FAM178B: variants seen among roughly 807,000 people sequenced by gnomAD.
The protein encoded by FAM178B is protein FAM178B.
In FAM178B, 82 loss-of-function variants were observed where a neutral mutation model predicts 91.7. That is an observed-to-expected ratio of 0.89 (90% CI 0.75 to 1.07). The LOEUF (loss-of-function observed/expected upper bound fraction) is 1.07, where lower values mean the gene tolerates loss of function less well. Among genes scored for constraint, FAM178B ranks in the 50% least tolerant of loss-of-function variants. The pLI is 0.00. For missense variants in FAM178B, 769 were observed against 846.7 expected (o/e 0.91, Z 1.14); for synonymous variants, 368 against 359.4 (o/e 1.02, Z -0.27).
chr2:96,880,379 G>C (rs2080349783), intron 14 of FAM178B, among the ~76,000 whole-genome samples: 3 of 151,990 alleles, frequency 2.0e-5, no homozygotes, highest in Non-Finnish European at 4.4e-5. Flanking sequence ...GACAACCTGG[G>C]GGGCAGAGTT....
At chr2:96,925,642 T>C (rs868578474) in intron 9 of FAM178B, among the ~76,000 whole-genome samples, 2 of 152,146 alleles carry the variant, frequency 1.3e-5, no homozygotes, top group African/African-American at 2.4e-5. Context: ...TGGACTCTTA[T>C]GAGCAAAGCA....
chr2:96,966,192 A>G (rs1487203607), intron 5 of FAM178B, among the ~76,000 whole-genome samples: 1 of 151,990 alleles, frequency 6.6e-6, no homozygotes. Flanking sequence ...GCACTCCCAC[A>G]GCAGGGTCCC....
rs60965536 is a variant in FAM178B, at chr2:96,967,911, C to CTTTTTTTTTTTTTTTT, written c.627-300_627-285dup. Among the ~76,000 whole-genome samples, 64 of 62,444 alleles carry CTTTTTTTTTTTTTTTT rather than the reference C, an allele frequency of 1.0e-3. 16 individuals are homozygous for CTTTTTTTTTTTTTTTT. The highest frequency in any genetic ancestry group is 1.4e-3 in the East Asian group (3 of 2,178). 41.0% of individuals were successfully genotyped at this position (62,444 alleles called of 152,430 possible). ...TCTTTACTTGTGTACCCTGTTTGGT[C>CTTTTTTTTTTTTTTTT]TTTTTTTTTTTTTTTTTTTTTTTTT... is the stretch of plus-strand genomic sequence containing the variant. On this transcript the variant is annotated intron_variant, in intron 4 of 16. Transcript: ENST00000490605.
intron 14 of FAM178B, among the ~76,000 whole-genome samples, chr2:96,886,517 C>T (rs1231121080): frequency 6.6e-6 from 1 of 152,188 alleles, no homozygotes; most frequent in Non-Finnish European, 1.5e-5. Flanking sequence ...TGGGAAGGCG[C>T]CAAGGGCCAG....
At chr2:96,917,189 AAGG>A (rs2081255478) in intron 12 of FAM178B, among the ~76,000 whole-genome samples, 1 of 152,200 alleles carries the variant, frequency 6.6e-6, no homozygotes, top group Non-Finnish European at 1.5e-5. Context: ...TCAAATTTGA[AAGG>A]AGTACTTTCA....
intron 9 of FAM178B, among the ~76,000 whole-genome samples, chr2:96,928,110 T>C (rs1574262414): frequency 6.6e-6 from 1 of 151,920 alleles, no homozygotes; most frequent in Admixed American, 6.6e-5. Context: ...GTGGAACAGG[T>C]TCTTAGGAGA....
At chr2:96,906,474 A>C (rs2081057975) in intron 12 of FAM178B, among the ~76,000 whole-genome samples, 1 of 152,132 alleles carries the variant, frequency 6.6e-6, no homozygotes. Flanking sequence ...TGAAGGCCTG[A>C]TGTGAACCAT....
intron 3 of FAM178B, 82 bp from the exon 4 acceptor site, chr2:96,970,859 C>T: frequency 1.0e-6 from 1 of 978,698 alleles, no homozygotes; most frequent in Non-Finnish European, 1.6e-6. Flanking sequence ...TAAATTAAGC[C>T]CTTTATTTAT....
intron 6 of FAM178B, among the ~76,000 whole-genome samples, chr2:96,954,990 C>T (rs2081978677): frequency 6.6e-6 from 1 of 152,174 alleles, no homozygotes; most frequent in Non-Finnish European, 1.5e-5. Flanking sequence ...TTGGAGGCTG[C>T]AGTGAGCTGT....
chr2:96,890,968 G>A lies in FAM178B; in HGVS notation c.1776+2958C>T, dbSNP rs184702514. ...CACAGGGCCATAGATAACCAAAAGC[G>A]GCTCAGCTTTGTTTTCTTTATCCAG... On this transcript the variant is annotated intron_variant, in intron 14 of 16. Transcript: ENST00000490605. Among the ~76,000 whole-genome samples, 84 of 152,286 alleles carry A rather than the reference G, an allele frequency of 5.5e-4. 1 individual carries two copies. The highest frequency in any genetic ancestry group is 2.0e-3 in the African/African-American group (82 of 41,542).
chr2:96,901,791 A>C (rs1351736364), intron 13 of FAM178B, among the ~76,000 whole-genome samples: 1 of 152,146 alleles, frequency 6.6e-6, no homozygotes, highest in East Asian at 1.9e-4. Flanking sequence ...AAATGGCTGA[A>C]ACACTATGCT....
intron 9 of FAM178B, among the ~76,000 whole-genome samples, chr2:96,925,726 C>A (rs558990634): frequency 6.6e-6 from 1 of 152,180 alleles, no homozygotes; most frequent in African/African-American, 2.4e-5. Flanking sequence ...CTCGGAGACA[C>A]CGTTCAATAC....
intron 1 of FAM178B, among the ~76,000 whole-genome samples, chr2:96,985,290 A>G (rs1454327771): frequency 1.3e-5 from 2 of 152,168 alleles, no homozygotes; most frequent in African/African-American, 4.8e-5. Flanking sequence ...TTCCAGGTTC[A>G]GGACTGAAGT....
At chr2:96,901,651 A>G (rs1258770053) in intron 13 of FAM178B, among the ~76,000 whole-genome samples, 1 of 152,102 alleles carries the variant, frequency 6.6e-6, no homozygotes, top group Admixed American at 6.6e-5. Flanking sequence ...GGCTGTGGGC[A>G]CTGTTGGGGG....
intron 1 of FAM178B, among the ~76,000 whole-genome samples, chr2:96,978,555 T>C (rs2082320945): frequency 6.6e-6 from 1 of 152,178 alleles, no homozygotes; most frequent in South Asian, 2.1e-4. Context: ...TTTGACTTTC[T>C]GTTTCTGAGT....
chr2:96,956,178 A>G (rs575667141), intron 6 of FAM178B, among the ~76,000 whole-genome samples: 2 of 152,212 alleles, frequency 1.3e-5, no homozygotes, highest in Non-Finnish European at 1.5e-5. Flanking sequence ...TGGTCCTGAC[A>G]CTTTTCCATG....
At chr2:96,937,707 T>C (rs544222930) in intron 8 of FAM178B, among the ~76,000 whole-genome samples, 1 of 152,134 alleles carries the variant, frequency 6.6e-6, no homozygotes, top group Non-Finnish European at 1.5e-5. Context: ...AGCCATCCTC[T>C]GATCAGAGTC....
chr2:96,937,108 T>A (rs758006604), intron 8 of FAM178B, among the ~76,000 whole-genome samples: 1 of 151,858 alleles, frequency 6.6e-6, no homozygotes, highest in Non-Finnish European at 1.5e-5. Flanking sequence ...TTGCCCAGAC[T>A]GGTATGGAAC....
intron 9 of FAM178B, among the ~76,000 whole-genome samples, chr2:96,924,662 G>A (rs1559076402): frequency 1.3e-5 from 2 of 152,206 alleles, no homozygotes; most frequent in South Asian, 2.1e-4. Flanking sequence ...TCGTATGGCC[G>A]AATGTACATT....
Sources: allele counts gnomAD v4.1 joint callset (sites outside exome capture counted in the v4.1 genomes callset), GRCh38; gene constraint gnomAD v4.1.1; transcripts MANE v1.5; gene names NCBI Gene and HGNC (gene_info 2026-07-23, HGNC 2026-07-21).